The following TMEM184B variants were observed in gnomAD, a reference collection of about 807,000 sequenced individuals.
The protein encoded by TMEM184B is transmembrane protein 184B.
A neutral mutation model predicts 41.8 loss-of-function variants in TMEM184B; 17 were observed. The observed-to-expected ratio is 0.41, with a 90% confidence interval of 0.28 to 0.61. The LOEUF is 0.61. Ranked by LOEUF, TMEM184B falls within the 20% of genes least tolerant of loss-of-function variation. TMEM184B has a pLI of 0.34. For missense variants in TMEM184B, 393 were observed against 557.8 expected (o/e 0.70, Z 2.98); for synonymous variants, 240 against 229.5 (o/e 1.05, Z -0.41).
intron 8 of TMEM184B, chr22:38,223,600 T>C (rs953652288): frequency 1.3e-5 from 2 of 152,274 alleles, no homozygotes; most frequent in Non-Finnish European, 2.9e-5. Flanking sequence ...ACGGAGCCTG[T>C]GTGGGGCCTG....
At position 38,219,423 on chromosome 22, in the gene TMEM184B, T is replaced by A; in HGVS notation, c.*2046A>T. On this transcript the variant is annotated 3_prime_UTR_variant, in exon 9 of 9. Coordinates refer to ENST00000361906, the MANE Select transcript of TMEM184B (RefSeq NM_012264.5). The stretch of plus-strand genomic sequence containing the variant: ...TTTCTGGTGGAACTCATGGCAGTCA[T>A]ACAACAAGATACAAAACTAGGAGAC... 1 of 985,630 alleles carries A rather than the reference T, an allele frequency of 1.0e-6. No homozygotes were observed. Among genetic ancestry groups the A allele is most frequent in the Non-Finnish European group, 1.2e-6 (1 of 829,896 alleles). The allele number at this position is 985,630 out of a possible 1,614,324, so 61.1% of individuals were successfully genotyped here.
At chr22:38,258,300 ATT>A (rs752882414) in intron 1 of TMEM184B, among the ~76,000 whole-genome samples, 128 of 141,094 alleles carry the variant, frequency 9.1e-4, no homozygotes, top group Middle Eastern at 3.6e-3. Flanking sequence ...ATTTTTCCAA[ATT>A]TTTTTTTTTT....
intron 8 of TMEM184B, chr22:38,223,829 T>A (rs2091338119): frequency 6.5e-6 from 1 of 152,892 alleles, no homozygotes; most frequent in African/African-American, 2.4e-5. Flanking sequence ...AGGCAGCCCT[T>A]CCAGCCCAGT....
rs555004547 is a variant in TMEM184B, at chr22:38,265,320, G to T, written c.-59+7564C>A. On this transcript the variant is annotated intron_variant, in intron 1 of 8. Coordinates refer to ENST00000361906, the MANE Select transcript of TMEM184B (RefSeq NM_012264.5). ...CCTCAGCTCACCCCCAGGCAGAGCC[G>T]ACTGCTGCCTCCTGGAACCCCCATG... Among the ~76,000 whole-genome samples, 46 of 152,282 alleles carry T rather than the reference G, an allele frequency of 3.0e-4. No homozygotes were observed. The Middle Eastern group carries it at 0.01, about 34-fold the overall frequency.
chr22:38,245,285 C>T (rs2091998178), intron 3 of TMEM184B, among the ~76,000 whole-genome samples: 1 of 152,138 alleles, frequency 6.6e-6, no homozygotes, highest in African/African-American at 2.4e-5. Flanking sequence ...CATTGAGAAG[C>T]GAGACCCAGG....
intron 3 of TMEM184B, among the ~76,000 whole-genome samples, chr22:38,233,233 A>T (rs142346039): frequency 2.0e-4 from 31 of 152,268 alleles, no homozygotes; most frequent in Non-Finnish European, 1.0e-4. Context: ...ATCCCCATGT[A>T]TATGTCCCCC....
At chr22:38,218,882 C>T (rs533558615), downstream of TMEM184B, among the ~76,000 whole-genome samples, 14 of 152,306 alleles carry the variant, frequency 9.2e-5, no homozygotes, top group Non-Finnish European at 1.3e-4. Flanking sequence ...GCCAGCGGCC[C>T]CCTGCCCCAG....
chr22:38,248,148 C>G, intron 1 of TMEM184B, 129 bp from the exon 2 acceptor site: 1 of 1,269,608 alleles, frequency 7.9e-7, no homozygotes, highest in South Asian at 1.6e-5. Flanking sequence ...CCTGTCCCAG[C>G]CAGCCTCTCC....
intron 3 of TMEM184B, among the ~76,000 whole-genome samples, chr22:38,236,638 C>T (rs2145631163): frequency 6.6e-6 from 1 of 152,194 alleles, no homozygotes; most frequent in South Asian, 2.1e-4. Context: ...TGTGGGCCAC[C>T]ATGCCTGCCT....
At chr22:38,245,407 C>T (rs971788009) in intron 3 of TMEM184B, among the ~76,000 whole-genome samples, 14 of 145,512 alleles carry the variant, frequency 9.6e-5, no homozygotes, top group African/African-American at 3.6e-4. Context: ...CATTGAGAAG[C>T]GAGACCCAGG....
intron 1 of TMEM184B, among the ~76,000 whole-genome samples, chr22:38,249,987 C>G (rs999506404): frequency 1.3e-5 from 2 of 152,260 alleles, no homozygotes; most frequent in African/African-American, 4.8e-5. Context: ...CCAGCTCCCC[C>G]GCCAACCAGC....
intron 1 of TMEM184B, among the ~76,000 whole-genome samples, chr22:38,263,060 GTCT>G (rs2092394212): frequency 6.6e-6 from 1 of 152,070 alleles, no homozygotes; most frequent in Non-Finnish European, 1.5e-5. Flanking sequence ...GTACCACCAT[GTCT>G]GGCTAATTTG....
chr22:38,219,418 A>G lies in TMEM184B; in HGVS notation c.*2051T>C. 1.0e-6 allele frequency: 1 copy of G among 985,846 alleles called. No individual in the cohort carries two copies. The allele number at this position is 985,846 out of a possible 1,614,324, so 61.1% of individuals were successfully genotyped here. ...GTGGCTTTCTGGTGGAACTCATGGC[A>G]GTCATACAACAAGATACAAAACTAG... On this transcript the variant is annotated 3_prime_UTR_variant, in exon 9 of 9. Coordinates refer to ENST00000361906, the MANE Select transcript of TMEM184B (RefSeq NM_012264.5).
downstream of TMEM184B, among the ~76,000 whole-genome samples, chr22:38,218,792 ATT>A (rs2091181105): frequency 6.6e-6 from 1 of 152,154 alleles, no homozygotes; most frequent in African/African-American, 2.4e-5. Flanking sequence ...CCCACACCGC[ATT>A]CCTGAGTGCT....
intron 1 of TMEM184B, among the ~76,000 whole-genome samples, chr22:38,271,557 G>A (rs905870276): frequency 3.3e-5 from 5 of 152,164 alleles, no homozygotes; most frequent in African/African-American, 1.2e-4. Flanking sequence ...TCCTTATGAG[G>A]GAGTCTTTCC....
chr22:38,230,793 A>G (rs369886699), intron 4 of TMEM184B, 49 bp from the exon 5 acceptor site: 119 of 1,571,618 alleles, frequency 7.6e-5, no homozygotes, highest in South Asian at 1.1e-4. Flanking sequence ...AAGAGCCAGG[A>G]CTTGGGAACA....
intron 1 of TMEM184B, among the ~76,000 whole-genome samples, chr22:38,271,043 T>C (rs921652195): frequency 2.0e-5 from 3 of 152,166 alleles, no homozygotes; most frequent in Non-Finnish European, 1.5e-5. Context: ...AAGGGGCTCT[T>C]TGAATAACCC....
At chr22:38,221,760 A>AGG (rs2091267876) in intron 8 of TMEM184B, 50 bp from the exon 9 acceptor site, 1 of 1,597,836 alleles carries the variant, frequency 6.3e-7, no homozygotes, top group African/African-American at 1.3e-5. Context: ...GGACGGTGAG[A>AGG]GGGAGGTGGC....
At chr22:38,240,872 G>T (rs1408098489) in intron 3 of TMEM184B, among the ~76,000 whole-genome samples, 3 of 152,032 alleles carry the variant, frequency 2.0e-5, no homozygotes, top group Non-Finnish European at 2.9e-5. Context: ...AAGGGAGAAG[G>T]ATTTCCAACT....
Sources: allele counts gnomAD v4.1 joint callset (sites outside exome capture counted in the v4.1 genomes callset), GRCh38; gene constraint gnomAD v4.1.1; transcripts MANE v1.5; gene names NCBI Gene and HGNC (gene_info 2026-07-23, HGNC 2026-07-21).